The following PIWIL3 variants were observed in gnomAD, a reference collection of about 807,000 sequenced individuals.
PIWIL3 encodes the protein piwi like RNA-mediated gene silencing 3.
In PIWIL3, 101 loss-of-function variants were observed where a neutral mutation model predicts 109.7. The observed-to-expected ratio is 0.92, with a 90% CI of 0.78 to 1.09. The LOEUF (loss-of-function observed/expected upper bound fraction) is 1.09. Ranked by LOEUF, PIWIL3 falls within the 50% of genes least tolerant of loss-of-function variation. The pLI is 0.00. For missense variants in PIWIL3, 1,031 were observed against 1,072.6 expected (o/e 0.96, Z 0.54); for synonymous variants, 373 against 376.4 (o/e 0.99, Z 0.10).
rs1923118676 is a variant in PIWIL3, at chr22:24,728,333, G to C, written c.1749C>G (p.Asp583Glu). ...ILPNDDKRRY[D>E]SIKRYLCTKC... ...TGGTACATAGGTATCTTTTTATGCT[G>C]TCATATCTACGTTTGTCATCATTGG... is the stretch of plus-strand genomic sequence containing the variant. The change falls in exon 15 of 21, where the codon GAC becomes GAG. Residue 583 changes from aspartate (D) to glutamate (E), a missense_variant. Physicochemically the swap from Asp to Glu is conservative, Grantham distance 45 (BLOSUM62 2). Coordinates refer to ENST00000616349, the MANE Select transcript of PIWIL3 (RefSeq NM_001255975.1). 1 of 1,613,930 alleles carries C rather than the reference G, an allele frequency of 6.2e-7. No homozygotes were observed.
intron 1 of PIWIL3, among the ~76,000 whole-genome samples, chr22:24,766,332 G>A (rs5751976): frequency 6.6e-6 from 1 of 151,104 alleles, no homozygotes; most frequent in Non-Finnish European, 1.5e-5. Context: ...TTTTGTTTTT[G>A]TTTTGAGACA....
intron 12 of PIWIL3, among the ~76,000 whole-genome samples, chr22:24,737,446 G>A (rs1923724598): frequency 6.6e-6 from 1 of 152,166 alleles, no homozygotes; most frequent in African/African-American, 2.4e-5. Flanking sequence ...ATAATACCCA[G>A]GTAGAATGTG....
chr22:24,752,919 A>G (rs964775693), intron 8 of PIWIL3, among the ~76,000 whole-genome samples: 2 of 152,186 alleles, frequency 1.3e-5, no homozygotes, highest in Admixed American at 6.5e-5. Flanking sequence ...CATGATGGCT[A>G]CTGATGTTAA....
At chr22:24,757,675 C>CACACATATATATAAAATATGTATATATT (rs1335354905) in intron 4 of PIWIL3, among the ~76,000 whole-genome samples, 4,812 of 143,138 alleles carry the variant, frequency 0.034, 139 homozygotes, top group South Asian at 0.066. Context: ...CACACACACA[C>CACACATATATATAAAATATGTATATATT]ACACACACAC....
At chr22:24,747,596 T>C (rs144898012) in intron 12 of PIWIL3, among the ~76,000 whole-genome samples, 1 of 152,180 alleles carries the variant, frequency 6.6e-6, no homozygotes. Flanking sequence ...CAAACAACTT[T>C]ATAGGGGAAA....
At chr22:24,771,400 C>T (rs531747985) in intron 1 of PIWIL3, among the ~76,000 whole-genome samples, 1 of 151,266 alleles carries the variant, frequency 6.6e-6, no homozygotes, top group African/African-American at 2.4e-5. Context: ...ATGGCGTGAA[C>T]CTGGGAGGAG....
At chr22:24,757,079 C>CAAAAAAAAAAAAAAAAAAAAA (rs71189275) in intron 4 of PIWIL3, among the ~76,000 whole-genome samples, 40 of 91,726 alleles carry the variant, frequency 4.4e-4, no homozygotes, top group Non-Finnish European at 6.2e-4. Context: ...AACTCCGTCT[C>CAAAAAAAAAAAAAAAAAAAAA]AAAAAAAAAA....
chr22:24,725,258 G>C (rs1439099948), intron 17 of PIWIL3, among the ~76,000 whole-genome samples, 187 bp downstream of exon 17: 1 of 152,180 alleles, frequency 6.6e-6, no homozygotes, highest in African/African-American at 2.4e-5. Flanking sequence ...ACCTATGCAT[G>C]GTAGGATGTT....
intron 15 of PIWIL3, 45 bp from the exon 16 acceptor site, chr22:24,728,098 A>G (rs1923104538): frequency 6.2e-7 from 1 of 1,607,574 alleles, no homozygotes; most frequent in South Asian, 1.1e-5. Context: ...AACGTGAGCA[A>G]AATTTAAGCA....
At chr22:24,720,498 C>T (rs558960855) in intron 19 of PIWIL3, among the ~76,000 whole-genome samples, 21 of 151,988 alleles carry the variant, frequency 1.4e-4, no homozygotes, top group Non-Finnish European at 2.1e-4. Context: ...GTCTCAATCT[C>T]CTGACCTCAT....
At position 24,774,463 on chromosome 22, in the gene PIWIL3, C is replaced by T. The variant is rs1036061369; in HGVS notation, c.-164G>A. On this transcript the variant is annotated 5_prime_UTR_variant, in exon 1 of 21. The change creates a new upstream start codon in the 5' untranslated region. Coordinates refer to ENST00000616349, the MANE Select transcript of PIWIL3 (RefSeq NM_001255975.1). ...CAAGCCACTGGAGGGGGTCACACCA[C>T]CTGACACCTCCCAGTCCCCCTGCCT... The T allele has an allele frequency of 6.6e-6, 1 of 152,318 alleles. No individual in the cohort carries two copies. Among genetic ancestry groups the T allele is most frequent in the Non-Finnish European group, 1.5e-5 (1 of 68,172 alleles). 9.4% of individuals were successfully genotyped at this position (152,318 alleles called of 1,614,324 possible).
intron 18 of PIWIL3, 141 bp from the exon 19 acceptor site, chr22:24,723,396 C>T: frequency 1.2e-6 from 1 of 837,744 alleles, no homozygotes; most frequent in Non-Finnish European, 1.8e-6. Context: ...ATTTTACTGT[C>T]TAAGCTCCAT....
At chr22:24,773,629 C>T (rs1926252434) in intron 1 of PIWIL3, among the ~76,000 whole-genome samples, 1 of 151,196 alleles carries the variant, frequency 6.6e-6, no homozygotes, top group Non-Finnish European at 1.5e-5. Flanking sequence ...AGTAGGTACA[C>T]ATATACATAT....
In PIWIL3 at chr22:24,734,140, C is replaced by G; in HGVS notation, c.1651G>C (p.Asp551His). ...KPAEMIEVDG[D>H]ANSYIDTLRK... ...AATGTGTCTATATAGGAGTTAGCAT[C>G]ACCATCTACTTCAATCCTAAAAAAT... is the stretch of plus-strand genomic sequence containing the variant. The change falls in exon 14 of 21, where the codon GAT becomes CAT. Residue 551 changes from aspartate to histidine, a missense_variant. By Grantham distance (81) the Asp-to-His change is moderately conservative (BLOSUM62 -1). Transcript: ENST00000616349. 6.2e-7 allele frequency: 1 copy of G among 1,612,162 alleles called. No homozygotes were observed. The highest frequency in any genetic ancestry group is 8.5e-7 in the Non-Finnish European group (1 of 1,179,394).
chr22:24,729,546 TG>T (rs1923209774), intron 14 of PIWIL3, among the ~76,000 whole-genome samples: 1 of 152,242 alleles, frequency 6.6e-6, no homozygotes, highest in Non-Finnish European at 1.5e-5. Flanking sequence ...AATATTGGGT[TG>T]GATTTCCAGT....
intron 8 of PIWIL3, 48 bp downstream of exon 8, chr22:24,753,966 G>A (rs778301949): frequency 6.8e-7 from 1 of 1,475,142 alleles, no homozygotes; most frequent in East Asian, 2.3e-5. Context: ...TGGGGTGGGG[G>A]AAGGGGGAGT....
At chr22:24,757,079 C>CAAAAAAAAAAA (rs71189275) in intron 4 of PIWIL3, among the ~76,000 whole-genome samples, 94 of 91,670 alleles carry the variant, frequency 1.0e-3, no homozygotes, top group Non-Finnish European at 1.3e-3. Context: ...AACTCCGTCT[C>CAAAAAAAAAAA]AAAAAAAAAA....
chr22:24,758,639 G>T (rs770771294), intron 3 of PIWIL3, among the ~76,000 whole-genome samples: 1 of 152,190 alleles, frequency 6.6e-6, no homozygotes, highest in Non-Finnish European at 1.5e-5. Context: ...TGGCCAAGAC[G>T]TCTGTGCCTT....
intron 14 of PIWIL3, among the ~76,000 whole-genome samples, chr22:24,731,066 C>T (rs1923319878): frequency 6.6e-6 from 1 of 152,136 alleles, no homozygotes; most frequent in Non-Finnish European, 1.5e-5. Context: ...AAAAGCCCAC[C>T]AAGAGTTTTG....
Sources: gnomAD v4.1 joint callset for allele counts (sites outside exome capture counted in the v4.1 genomes callset) on GRCh38, gnomAD v4.1.1 for gene constraint, MANE v1.5 for transcripts, NCBI Gene and HGNC (gene_info 2026-07-23, HGNC 2026-07-21) for gene names.